Variants in TRPM3 observed in about 807,000 individuals in gnomAD.
TRPM3 encodes the protein transient receptor potential cation channel subfamily M member 3, also known as long transient receptor potential channel 3.
Under a neutral mutation model 181.2 loss-of-function variants are expected in TRPM3, and 77 were observed. The observed-to-expected ratio is 0.42, with a 90% CI of 0.35 to 0.51. The LOEUF (loss-of-function observed/expected upper bound fraction) is 0.51, where lower values mean the gene tolerates loss of function less well. TRPM3 is among the 20% of genes least tolerant of loss of function. The pLI is 0.01. For missense variants in TRPM3, 1,759 were observed against 2,196.7 expected (o/e 0.80, Z 3.98); for synonymous variants, 745 against 796.4 (o/e 0.94, Z 1.09).
At chr9:71,358,843 T>A (rs937088108) in intron 1 of TRPM3, among the ~76,000 whole-genome samples, 2 of 152,214 alleles carry the variant, frequency 1.3e-5, no homozygotes, top group Admixed American at 1.3e-4. Flanking sequence ...TATCAGGGTT[T>A]GTAATGCATA....
chr9:71,031,971 ATT>A (rs1590812106), intron 1 of TRPM3, among the ~76,000 whole-genome samples: 4 of 88 alleles, frequency 0.045, no homozygotes, highest in Non-Finnish European at 0.052. Context: ...ATATATATAT[ATT>A]ATATATATAT....
intron 22 of TRPM3, among the ~76,000 whole-genome samples, chr9:70,585,811 A>G (rs1015371766): frequency 6.6e-6 from 1 of 151,838 alleles, no homozygotes; most frequent in African/African-American, 2.4e-5. Context: ...GACTTTCCAC[A>G]TTTTTGCTTG....
intron 1 of TRPM3, among the ~76,000 whole-genome samples, chr9:71,430,461 T>C (rs2093937560): frequency 6.6e-6 from 1 of 152,200 alleles, no homozygotes; most frequent in South Asian, 2.1e-4. Context: ...ATTTTAAATA[T>C]ACTTGGCTTT....
chr9:71,270,730 CTG>C (rs1441961076), intron 1 of TRPM3, among the ~76,000 whole-genome samples: 1 of 152,190 alleles, frequency 6.6e-6, no homozygotes, highest in African/African-American at 2.4e-5. Context: ...CAGCATTAAT[CTG>C]TGTGACCAGC....
intron 5 of TRPM3, among the ~76,000 whole-genome samples, chr9:70,842,561 A>C (rs1195622690): frequency 6.6e-6 from 1 of 152,038 alleles, no homozygotes; most frequent in Admixed American, 6.6e-5. Flanking sequence ...TCTCTCTGCA[A>C]CTCTCAGGAG....
At chr9:71,311,139 T>C (rs2132399495) in intron 1 of TRPM3, among the ~76,000 whole-genome samples, 1 of 152,258 alleles carries the variant, frequency 6.6e-6, no homozygotes, top group East Asian at 1.9e-4. Context: ...TATAGTATCC[T>C]AATAATTTAT....
At chr9:71,149,797 C>G (rs1407539710) in intron 1 of TRPM3, among the ~76,000 whole-genome samples, 1 of 151,850 alleles carries the variant, frequency 6.6e-6, no homozygotes, top group Non-Finnish European at 1.5e-5. Context: ...AACCCCATCT[C>G]TACGAAAAAT....
At chr9:70,603,290 T>C (rs1048614311) in intron 20 of TRPM3, 52 bp downstream of exon 20, 38 of 1,586,492 alleles carry the variant, frequency 2.4e-5, no homozygotes, top group Admixed American at 8.8e-5. Context: ...CATCCACAGA[T>C]AGAACTTAAC....
At chr9:70,851,469 T>A (rs1356630742) in intron 3 of TRPM3, among the ~76,000 whole-genome samples, 1 of 152,222 alleles carries the variant, frequency 6.6e-6, no homozygotes, top group Non-Finnish European at 1.5e-5. Context: ...CCTCCCTTGA[T>A]AGATAATTTA....
At chr9:70,905,649 C>A (rs1279256405) in intron 1 of TRPM3, among the ~76,000 whole-genome samples, 1 of 152,068 alleles carries the variant, frequency 6.6e-6, no homozygotes, top group East Asian at 1.9e-4. Flanking sequence ...GATGAATAAC[C>A]TTTTGTCATC....
intron 1 of TRPM3, among the ~76,000 whole-genome samples, chr9:71,272,160 G>A (rs906239010): frequency 3.5e-4 from 53 of 152,148 alleles, no homozygotes; most frequent in African/African-American, 1.3e-3. Context: ...TTGGGTATGG[G>A]GTTATGGAAG....
intron 11 of TRPM3, among the ~76,000 whole-genome samples, chr9:70,637,996 T>G (rs1228346507): frequency 2.0e-5 from 3 of 152,116 alleles, no homozygotes. Flanking sequence ...TCCCAGAACT[T>G]AAAGTATAAT....
chr9:71,355,829 C>T (rs2091873833), intron 1 of TRPM3, among the ~76,000 whole-genome samples: 1 of 119,262 alleles, frequency 8.4e-6, no homozygotes, highest in African/African-American at 2.9e-5. Context: ...CAGTAAAACA[C>T]AAAATATTCC....
At chr9:70,577,124 G>A (rs2054246652) in intron 22 of TRPM3, among the ~76,000 whole-genome samples, 1 of 152,168 alleles carries the variant, frequency 6.6e-6, no homozygotes, top group Non-Finnish European at 1.5e-5. Context: ...CTGTTTATTT[G>A]TTGACTTACT....
intron 1 of TRPM3, among the ~76,000 whole-genome samples, chr9:71,036,002 T>TA (rs2058148849): frequency 6.9e-6 from 1 of 145,040 alleles, no homozygotes; most frequent in Non-Finnish European, 1.5e-5. Context: ...TTTTTTTTTT[T>TA]AATTTTGGGA....
At chr9:71,280,882 T>C (rs1430060615) in intron 1 of TRPM3, among the ~76,000 whole-genome samples, 2 of 152,202 alleles carry the variant, frequency 1.3e-5, no homozygotes, top group African/African-American at 4.8e-5. Context: ...ATATCTACAT[T>C]CATTCCCCTA....
At chr9:70,979,444 G>T (rs564593095) in intron 1 of TRPM3, among the ~76,000 whole-genome samples, 2 of 152,194 alleles carry the variant, frequency 1.3e-5, no homozygotes, top group South Asian at 4.1e-4. Flanking sequence ...ATGAAGGGGG[G>T]ATCCAACTGT....
chr9:71,182,089 T>C (rs145668713), intron 1 of TRPM3, among the ~76,000 whole-genome samples: 60 of 152,268 alleles, frequency 3.9e-4, no homozygotes, highest in African/African-American at 1.3e-3. Context: ...TTGTTTTTTT[T>C]ATATGCACTA....
At chr9:71,226,009 T>TAAAAAAAAAAAAAAAAAAAAAA in intron 1 of TRPM3, among the ~76,000 whole-genome samples, 13 of 34,706 alleles carry the variant, frequency 3.7e-4, no homozygotes, top group African/African-American at 5.0e-4. Flanking sequence ...CAACAAAAGG[T>TAAAAAAAAAAAAAAAAAAAAAA]AAAAAAAAAA....
Sources: gnomAD v4.1 joint callset for allele counts (sites outside exome capture counted in the v4.1 genomes callset) on GRCh38, gnomAD v4.1.1 for gene constraint, MANE v1.5 for transcripts, NCBI Gene and HGNC (gene_info 2026-07-23, HGNC 2026-07-21) for gene names.